The following PATJ variants were observed in gnomAD, a reference collection of about 807,000 sequenced individuals.
The protein encoded by PATJ is PATJ crumbs cell polarity complex component, also known as inaD-like protein.
In PATJ, 190 loss-of-function variants were observed where a neutral mutation model predicts 224.9. The observed-to-expected ratio is 0.84, with a 90% CI of 0.75 to 0.95. The LOEUF is 0.95. PATJ is among the 40% of genes least tolerant of loss of function. The pLI, the probability that PATJ is intolerant of heterozygous loss-of-function variation, is 0.00. For synonymous variants in PATJ, 769 were observed against 820.3 expected (o/e 0.94, Z 1.07); for missense variants, 2,121 against 2,270.3 (o/e 0.93, Z 1.34).
intron 31 of PATJ, among the ~76,000 whole-genome samples, chr1:62,060,267 G>C (rs886583879): frequency 5.9e-5 from 9 of 152,194 alleles, no homozygotes; most frequent in Non-Finnish European, 1.2e-4. Flanking sequence ...TAATGCACGT[G>C]CTCAAAGACT....
chr1:61,790,257 G>A (rs990459134), intron 8 of PATJ, among the ~76,000 whole-genome samples: 13 of 150,142 alleles, frequency 8.7e-5, no homozygotes, highest in Admixed American at 2.7e-4. Context: ...GTTTTAGGTC[G>A]ATATTTTTAT....
At chr1:62,069,997 A>C (rs1434232225) in intron 31 of PATJ, among the ~76,000 whole-genome samples, 1 of 152,236 alleles carries the variant, frequency 6.6e-6, no homozygotes, top group Non-Finnish European at 1.5e-5. Context: ...TTTTCTAAAA[A>C]GTTCAAATGA....
Position 61,990,205 on chromosome 1 carries a change from A to G in PATJ, c.3708A>G (p.Glu1236=). The G allele has an allele frequency of 1.2e-6, 2 of 1,611,868 alleles. No homozygotes were observed. Among genetic ancestry groups the G allele is most frequent in the South Asian group, 2.2e-5 (2 of 90,108 alleles). Residue 1236 remains glutamate, a synonymous_variant, in exon 28 of 44, where the codon GAA becomes GAG. Coordinates refer to ENST00000642238, the MANE Select transcript of PATJ (RefSeq NM_001350145.3). ...IRQRYADLPG[E]LHIIELEKDK... is the part of the protein sequence containing the mutation. ...AAAGATATGCAGATCTGCCTGGAGAACTGCACATTATTGAACTTGAAAAAG... is the reference window on the plus strand; with the variant it reads ...AAAGATATGCAGATCTGCCTGGAGAGCTGCACATTATTGAACTTGAAAAAG...
At chr1:62,064,286 T>G (rs1656030966) in intron 31 of PATJ, among the ~76,000 whole-genome samples, 1 of 152,128 alleles carries the variant, frequency 6.6e-6, no homozygotes, top group African/African-American at 2.4e-5. Context: ...TCTTATGGAC[T>G]TAATGACTTT....
intron 27 of PATJ, among the ~76,000 whole-genome samples, chr1:61,985,536 C>T (rs539626434): frequency 6.6e-6 from 1 of 152,120 alleles, no homozygotes; most frequent in Admixed American, 6.5e-5. Flanking sequence ...CATCCATCTC[C>T]AGAACTTTTT....
At position 61,963,974 on chromosome 1, in the gene PATJ, T is replaced by C. The variant is rs558373888; in HGVS notation, c.3671-26194T>C. Among the ~76,000 whole-genome samples the C allele has an allele frequency of 5.9e-5, 9 of 152,344 alleles. No homozygotes were observed. In the East Asian group the frequency reaches 1.3e-3, roughly 23 times the overall value. On this transcript the variant is annotated intron_variant, in intron 27 of 43. Transcript: ENST00000642238. ...TATTTTAAAAGCTTTAGTTGAATGT[T>C]ATTTATTCTAATATAATGAGTTCTA... is the stretch of plus-strand genomic sequence containing the variant.
chr1:62,137,321 T>C (rs1216315010), intron 41 of PATJ, among the ~76,000 whole-genome samples: 1 of 146,268 alleles, frequency 6.8e-6, no homozygotes, highest in Non-Finnish European at 1.5e-5. Flanking sequence ...GAGAACCCTG[T>C]TGGAGAAACA....
At chr1:62,017,738 AAAAAAAAAAGAAAAG>A in intron 28 of PATJ, 103 bp from the exon 29 acceptor site, 1 of 567,352 alleles carries the variant, frequency 1.8e-6, no homozygotes, top group Non-Finnish European at 3.0e-6. Flanking sequence ...TCAAAAAAAA[AAAAAAAAAAGAAAAG>A]AAAAGAAAAG....
At chr1:62,128,769 G>T in intron 40 of PATJ, 72 bp from the exon 41 acceptor site, 2 of 1,071,958 alleles carry the variant, frequency 1.9e-6, no homozygotes, top group Non-Finnish European at 1.5e-6. Flanking sequence ...GACTCGCAAA[G>T]AATTTTAAGC....
At chr1:61,966,507 G>T (rs1682167299) in intron 27 of PATJ, among the ~76,000 whole-genome samples, 1 of 152,020 alleles carries the variant, frequency 6.6e-6, no homozygotes, top group Non-Finnish European at 1.5e-5. Context: ...CCAATGTGGT[G>T]AAACTCCATC....
At chr1:61,877,967 G>A (rs72676213) in intron 21 of PATJ, among the ~76,000 whole-genome samples, 3,340 of 152,316 alleles carry the variant, frequency 0.022, 65 homozygotes, top group Non-Finnish European at 0.032. Flanking sequence ...GTGTAACTGC[G>A]TGAAGCGCTG....
intron 17 of PATJ, among the ~76,000 whole-genome samples, chr1:61,854,837 G>A (rs1440304742): frequency 6.6e-6 from 1 of 152,196 alleles, no homozygotes; most frequent in Non-Finnish European, 1.5e-5. Flanking sequence ...TTAACCAGAT[G>A]TATTGAATGT....
intron 33 of PATJ, among the ~76,000 whole-genome samples, chr1:62,102,928 C>T (rs1009560618): frequency 6.6e-6 from 1 of 150,396 alleles, no homozygotes; most frequent in African/African-American, 2.5e-5. Flanking sequence ...TGGGAGGGGG[C>T]CTATGCATCA....
intron 41 of PATJ, among the ~76,000 whole-genome samples, chr1:62,138,521 C>T (rs1408480505): frequency 2.0e-5 from 3 of 151,864 alleles, no homozygotes; most frequent in Non-Finnish European, 4.4e-5. Flanking sequence ...TGGCCAGGCT[C>T]GTCACAAACT....
chr1:62,090,907 A>T (rs6682776), intron 33 of PATJ, among the ~76,000 whole-genome samples: 26,389 of 152,224 alleles, frequency 0.17, 3,041 homozygotes, highest in Non-Finnish European at 0.26. Context: ...AGAAGAAGTA[A>T]AAGATAGCTC....
At chr1:62,046,841 G>T (rs1037839544) in intron 30 of PATJ, among the ~76,000 whole-genome samples, 2 of 152,178 alleles carry the variant, frequency 1.3e-5, no homozygotes, top group Non-Finnish European at 2.9e-5. Flanking sequence ...CTAAGTGTGG[G>T]ATGTGGTGTA....
chr1:61,871,301 A>T (rs1453365131), intron 20 of PATJ, among the ~76,000 whole-genome samples: 1 of 146,688 alleles, frequency 6.8e-6, no homozygotes. Context: ...AACCTCTGCC[A>T]CCCAGGTTCA....
In PATJ at chr1:62,143,438, A is replaced by ATTTTTTTTTTTTTTTTT. The variant is rs34127211; in HGVS notation, c.5272-4832_5272-4816dup. Among the ~76,000 whole-genome samples, 3 of 74,310 alleles carry ATTTTTTTTTTTTTTTTT rather than the reference A, an allele frequency of 4.0e-5. 1 individual carries two copies. Among genetic ancestry groups the ATTTTTTTTTTTTTTTTT allele is most frequent in the African/African-American group, 1.7e-4 (3 of 17,204 alleles). 48.8% of individuals were successfully genotyped at this position (74,310 alleles called of 152,430 possible). ...TTGGATATCACAGACTAAGCTGGGA[A>ATTTTTTTTTTTTTTTTT]TTTTTTTTTTTTTTTTTTTTTTTTT... On this transcript the variant is annotated intron_variant, in intron 41 of 43. Coordinates refer to ENST00000642238, the MANE Select transcript of PATJ (RefSeq NM_001350145.3).
At chr1:62,127,592 G>A (rs1054135209) in intron 39 of PATJ, among the ~76,000 whole-genome samples, 1 of 152,082 alleles carries the variant, frequency 6.6e-6, no homozygotes, top group Non-Finnish European at 1.5e-5. Flanking sequence ...GATCACCTGA[G>A]GTCAGGAGTT....
Sources: gnomAD v4.1 joint callset for allele counts (sites outside exome capture counted in the v4.1 genomes callset) on GRCh38, gnomAD v4.1.1 for gene constraint, MANE v1.5 for transcripts, NCBI Gene and HGNC (gene_info 2026-07-23, HGNC 2026-07-21) for gene names.